WHRN: variants seen among roughly 807,000 people sequenced by gnomAD.
WHRN encodes the protein CASK-interacting protein CIP98.
In WHRN, 41 loss-of-function variants were observed where a neutral mutation model predicts 68.3. The ratio of observed to expected loss-of-function variants is 0.60; its 90% confidence interval spans 0.47 to 0.78. WHRN has a LOEUF of 0.78. Among genes scored for constraint, WHRN ranks in the 30% least tolerant of loss-of-function variants. The probability of loss-of-function intolerance (pLI) is 0.00; values close to 1 mark genes in which losing one functional copy is unlikely to be tolerated. For synonymous variants in WHRN, 560 were observed against 561.3 expected (o/e 1.00, Z 0.03); for missense variants, 1,243 against 1,244.7 (o/e 1.00, Z 0.02).
At chr9:114,404,609 G>A (rs1227118819) in intron 9 of WHRN, among the ~76,000 whole-genome samples, 2 of 152,006 alleles carry the variant, frequency 1.3e-5, no homozygotes, top group Non-Finnish European at 2.9e-5. Context: ...CACTATGTGT[G>A]TAACAGCCTG....
chr9:114,429,808 G>A (rs1489784973), intron 3 of WHRN, among the ~76,000 whole-genome samples: 1 of 152,182 alleles, frequency 6.6e-6, no homozygotes, highest in Non-Finnish European at 1.5e-5. Context: ...AGGCAGAGCT[G>A]TGCAGCTCTC....
At chr9:114,487,797 C>T (rs1040582206) in intron 1 of WHRN, among the ~76,000 whole-genome samples, 1 of 152,304 alleles carries the variant, frequency 6.6e-6, no homozygotes, top group Non-Finnish European at 1.5e-5. Flanking sequence ...GCCATCTGGG[C>T]CTACAGAGGA....
intron 1 of WHRN, chr9:114,491,433 C>A (rs904859180): frequency 6.6e-6 from 1 of 151,234 alleles, no homozygotes; most frequent in Non-Finnish European, 1.5e-5. Flanking sequence ...CAGTTATGCA[C>A]GAAATATATA....
chr9:114,413,844 C>A (rs1835629142), intron 7 of WHRN, among the ~76,000 whole-genome samples: 1 of 152,192 alleles, frequency 6.6e-6, no homozygotes, highest in Admixed American at 6.5e-5. Flanking sequence ...GAAGTCACTG[C>A]CTCCTTGTAA....
intron 2 of WHRN, among the ~76,000 whole-genome samples, chr9:114,471,575 T>C (rs77784501): frequency 0.038 from 5,862 of 152,286 alleles, 373 homozygotes; most frequent in African/African-American, 0.13. Flanking sequence ...ATAAAAAGAA[T>C]TGTGCAACCT....
At chr9:114,434,381 C>T (rs1320847935) in intron 3 of WHRN, among the ~76,000 whole-genome samples, 1 of 152,130 alleles carries the variant, frequency 6.6e-6, no homozygotes, top group African/African-American at 2.4e-5. Flanking sequence ...CTAGGCTGTC[C>T]AACAACTATT....
At chr9:114,466,501 T>A in intron 2 of WHRN, 109 bp from the exon 3 acceptor site, 1 of 1,517,676 alleles carries the variant, frequency 6.6e-7, no homozygotes, top group Non-Finnish European at 9.0e-7. Flanking sequence ...CTTATCCGAC[T>A]GGCAAGGAGG....
At chr9:114,488,210 G>A (rs1351185604) in intron 1 of WHRN, among the ~76,000 whole-genome samples, 1 of 152,174 alleles carries the variant, frequency 6.6e-6, no homozygotes, top group Non-Finnish European at 1.5e-5. Flanking sequence ...TAACGCCTAT[G>A]CTCATGGAGC....
chr9:114,432,672 T>A (rs1837524816), intron 3 of WHRN, among the ~76,000 whole-genome samples: 1 of 152,202 alleles, frequency 6.6e-6, no homozygotes, highest in Admixed American at 6.5e-5. Flanking sequence ...AATGAGTTAA[T>A]ACATTCCCCA....
At position 114,402,621 on chromosome 9, in the gene WHRN, G is replaced by A; in HGVS notation, c.*133C>T. The A allele has an allele frequency of 1.8e-6, 2 of 1,129,972 alleles. No individual in the cohort carries two copies. Among genetic ancestry groups the A allele is most frequent in the Non-Finnish European group, 2.6e-6 (2 of 755,264 alleles). The allele number at this position is 1,129,972 out of a possible 1,614,324, so 70.0% of individuals were successfully genotyped here. On this transcript the variant is annotated 3_prime_UTR_variant, in exon 12 of 12. Transcript: ENST00000362057. ...TCCCAGTTCTGGTCCAGTGGGCTGG[G>A]ATGGAGGGGGGATGTCTTCCTGCCA... is the stretch of plus-strand genomic sequence containing the variant.
intron 7 of WHRN, among the ~76,000 whole-genome samples, chr9:114,421,902 A>T (rs1193262976): frequency 6.6e-6 from 1 of 152,120 alleles, no homozygotes; most frequent in African/African-American, 2.4e-5. Context: ...GGGGATGAGC[A>T]CCCTTGGAAA....
intron 7 of WHRN, among the ~76,000 whole-genome samples, chr9:114,417,257 A>G (rs756270238): frequency 6.6e-6 from 1 of 152,216 alleles, no homozygotes; most frequent in Non-Finnish European, 1.5e-5. Flanking sequence ...ATCAATAACC[A>G]CACAGCATGA....
chr9:114,450,834 C>A (rs975366085), intron 3 of WHRN, among the ~76,000 whole-genome samples: 194 of 149,966 alleles, frequency 1.3e-3, no homozygotes, highest in African/African-American at 4.7e-3. Context: ...TTTCCCCCCC[C>A]GCAAAAAAAT....
At chr9:114,495,276 G>A (rs1013150058) in intron 1 of WHRN, among the ~76,000 whole-genome samples, 17 of 152,176 alleles carry the variant, frequency 1.1e-4, no homozygotes, top group Non-Finnish European at 2.1e-4. Flanking sequence ...GAGTGTACCC[G>A]GTCAACAGGA....
chr9:114,426,594 G>A (rs1339676365), intron 3 of WHRN, among the ~76,000 whole-genome samples, 181 bp from the exon 4 acceptor site: 1 of 152,206 alleles, frequency 6.6e-6, no homozygotes, highest in Non-Finnish European at 1.5e-5. Flanking sequence ...CTGGCCTTCT[G>A]ATCCTGACCC....
At chr9:114,459,861 T>C (rs1840104078) in intron 3 of WHRN, among the ~76,000 whole-genome samples, 1 of 152,226 alleles carries the variant, frequency 6.6e-6, no homozygotes, top group Non-Finnish European at 1.5e-5. Flanking sequence ...TAGTAACTGA[T>C]GTAGTTTGGA....
At chr9:114,462,692 G>C (rs1840345713) in intron 3 of WHRN, among the ~76,000 whole-genome samples, 1 of 152,236 alleles carries the variant, frequency 6.6e-6, no homozygotes, top group Non-Finnish European at 1.5e-5. Context: ...GTTTGCTGGA[G>C]TGAGTTAAAA....
chr9:114,475,977 A>G (rs1234247547), intron 2 of WHRN, among the ~76,000 whole-genome samples: 1 of 151,926 alleles, frequency 6.6e-6, no homozygotes, highest in Non-Finnish European at 1.5e-5. Flanking sequence ...GCATTATTTT[A>G]TTCTTGAGAC....
intron 7 of WHRN, among the ~76,000 whole-genome samples, chr9:114,422,443 C>A (rs140257327): frequency 6.6e-6 from 1 of 152,176 alleles, no homozygotes; most frequent in Non-Finnish European, 1.5e-5. Flanking sequence ...TCCTTGCAAA[C>A]GTCTCCTGGG....
Sources: gnomAD v4.1 joint callset for allele counts (sites outside exome capture counted in the v4.1 genomes callset) on GRCh38, gnomAD v4.1.1 for gene constraint, MANE v1.5 for transcripts, NCBI Gene and HGNC (gene_info 2026-07-23, HGNC 2026-07-21) for gene names.